The following HIBADH variants were observed in gnomAD, a reference collection of about 807,000 sequenced individuals.
The protein encoded by HIBADH is 3-hydroxyisobutyrate dehydrogenase, mitochondrial.
A neutral mutation model predicts 36.1 loss-of-function variants in HIBADH; 25 were observed. The observed-to-expected ratio is 0.69, with a 90% CI of 0.50 to 0.97. HIBADH has a LOEUF of 0.97. Among genes scored for constraint, HIBADH ranks in the 50% least tolerant of loss-of-function variants. The pLI, the probability that HIBADH is intolerant of heterozygous loss-of-function variation, is 0.00. For missense variants in HIBADH, 421 were observed against 418.0 expected (o/e 1.01, Z -0.06); for synonymous variants, 160 against 149.5 (o/e 1.07, Z -0.51).
chr7:27,537,807 G>A (rs975333398), intron 6 of HIBADH, among the ~76,000 whole-genome samples: 15 of 151,998 alleles, frequency 9.9e-5, no homozygotes, highest in African/African-American at 3.6e-4. Flanking sequence ...AAAATAAAAT[G>A]AAAGAGTTAT....
intron 4 of HIBADH, among the ~76,000 whole-genome samples, chr7:27,562,906 CTTT>C (rs929130617): frequency 1.1e-4 from 17 of 152,054 alleles, no homozygotes; most frequent in East Asian, 1.9e-4. Flanking sequence ...ATCATCATTC[CTTT>C]TTTTATTTTG....
At chr7:27,585,430 C>G (rs1338164210) in intron 4 of HIBADH, among the ~76,000 whole-genome samples, 1 of 152,094 alleles carries the variant, frequency 6.6e-6, no homozygotes, top group Non-Finnish European at 1.5e-5. Context: ...TGTATCTTTG[C>G]CAATCTGAGG....
rs1360103431 is a variant in HIBADH at position 27,526,286 on chromosome 7, C to CA, written c.938dup (p.Met313IlefsTer51). The CA allele has an allele frequency of 6.2e-7, 1 of 1,613,764 alleles. No homozygotes were observed. Among genetic ancestry groups the CA allele is most frequent in the South Asian group, 1.1e-5 (1 of 91,004 alleles). On this transcript the variant is annotated frameshift_variant, in exon 8 of 8. Transcript: ENST00000265395. LOFTEE classifies it high-confidence loss of function. ...CTTTCTTTGAGTAGCCCTTTGCACA[C>CA]ATCATCCTGTAGATCTGATGGGCCA...
chr7:27,637,124 T>TA (rs1645796708), intron 2 of HIBADH, among the ~76,000 whole-genome samples: 1 of 152,172 alleles, frequency 6.6e-6, no homozygotes, highest in South Asian at 2.1e-4. Context: ...GTAATAGTAG[T>TA]AGCAGCAGCA....
chr7:27,610,916 TAAGGGCC>T (rs1785310653), intron 4 of HIBADH, among the ~76,000 whole-genome samples: 1 of 152,188 alleles, frequency 6.6e-6, no homozygotes, highest in African/African-American at 2.4e-5. Flanking sequence ...CAGTGAGCAG[TAAGGGCC>T]AAGCCTGCAT....
chr7:27,636,567 C>G (rs1193075858), intron 2 of HIBADH, among the ~76,000 whole-genome samples: 3 of 152,200 alleles, frequency 2.0e-5, no homozygotes, highest in Non-Finnish European at 4.4e-5. Context: ...CTTAAGCAAA[C>G]ATGTTCAGCC....
chr7:27,624,983 G>A (rs1583605191), intron 4 of HIBADH, among the ~76,000 whole-genome samples: 1 of 151,906 alleles, frequency 6.6e-6, no homozygotes, highest in East Asian at 1.9e-4. Flanking sequence ...TTTTTAACTT[G>A]GAAATAATCC....
At chr7:27,648,283 T>C (rs980195738) in intron 2 of HIBADH, among the ~76,000 whole-genome samples, 21 of 151,922 alleles carry the variant, frequency 1.4e-4, no homozygotes, top group African/African-American at 4.6e-4. Context: ...ATACTGGGAG[T>C]GTAATATCCG....
intron 4 of HIBADH, among the ~76,000 whole-genome samples, chr7:27,552,244 G>C (rs1212792592): frequency 6.6e-6 from 1 of 152,118 alleles, no homozygotes; most frequent in Non-Finnish European, 1.5e-5. Context: ...TTGGGTTTTG[G>C]TGACACAGAT....
intron 4 of HIBADH, among the ~76,000 whole-genome samples, chr7:27,601,519 G>C (rs2128290342): frequency 6.6e-6 from 1 of 152,100 alleles, no homozygotes; most frequent in Non-Finnish European, 1.5e-5. Context: ...GTTGAATACT[G>C]AAATTCTCAT....
At chr7:27,574,985 T>TCAGA (rs1425044363) in intron 4 of HIBADH, among the ~76,000 whole-genome samples, 1 of 152,192 alleles carries the variant, frequency 6.6e-6, no homozygotes, top group Non-Finnish European at 1.5e-5. Context: ...TCTTATGTGT[T>TCAGA]CAGACAGAGC....
intron 2 of HIBADH, among the ~76,000 whole-genome samples, chr7:27,637,402 A>C (rs936804906): frequency 1.2e-4 from 19 of 152,368 alleles, no homozygotes; most frequent in African/African-American, 4.3e-4. Context: ...TTTTTTAAAA[A>C]GATGCTAAAA....
At chr7:27,608,228 AC>A (rs1400075505) in intron 4 of HIBADH, among the ~76,000 whole-genome samples, 1 of 152,216 alleles carries the variant, frequency 6.6e-6, no homozygotes, top group African/African-American at 2.4e-5. Context: ...CCTGTAGGTA[AC>A]CTAAGCTAAA....
At chr7:27,583,502 T>C (rs1263819174) in intron 4 of HIBADH, among the ~76,000 whole-genome samples, 1 of 152,056 alleles carries the variant, frequency 6.6e-6, no homozygotes, top group Non-Finnish European at 1.5e-5. Flanking sequence ...TATTATAGAA[T>C]ACAATATTAA....
chr7:27,622,848 T>C (rs1785569733), intron 4 of HIBADH, among the ~76,000 whole-genome samples: 2 of 152,162 alleles, frequency 1.3e-5, no homozygotes, highest in Admixed American at 1.3e-4. Context: ...ACCAAACTAA[T>C]ACTAATCTTT....
Position 27,531,912 on chromosome 7 carries a change from T to C in HIBADH, c.696-564A>G, listed in dbSNP as rs76443362. 3.1e-4 allele frequency among the ~76,000 whole-genome samples: 3 copies of C among 9,700 alleles called. No homozygotes were observed. The African/African-American group carries it at 5.2e-3, about 17-fold the overall frequency. The allele number at this position is 9,700 out of a possible 152,430, so 6.4% of individuals were successfully genotyped here. A position where few individuals can be genotyped will look rare whatever the true frequency, so the allele number is the denominator to read the frequency against. ...AAGAAAAGTTATTATAAAAGAAGACTTTTTGCTGCAAACTTTTCCTTATTT... is the reference window on the plus strand; with the variant it reads ...AAGAAAAGTTATTATAAAAGAAGACCTTTTGCTGCAAACTTTTCCTTATTT... On this transcript the variant is annotated intron_variant, in intron 6 of 7. Transcript: ENST00000265395.
intron 4 of HIBADH, among the ~76,000 whole-genome samples, chr7:27,568,905 CTTT>C (rs70994660): frequency 5.5e-5 from 8 of 144,706 alleles, no homozygotes; most frequent in Admixed American, 6.8e-5. Context: ...TTTCAGCCAC[CTTT>C]TTTTTTTTCC....
chr7:27,658,835 T>C (rs1006632006), intron 1 of HIBADH, among the ~76,000 whole-genome samples: 5 of 152,206 alleles, frequency 3.3e-5, no homozygotes, highest in African/African-American at 1.2e-4. Flanking sequence ...AAGCACTCTA[T>C]CTGCTTTACT....
chr7:27,569,918 T>A (rs1356532550), intron 4 of HIBADH, among the ~76,000 whole-genome samples: 3 of 152,176 alleles, frequency 2.0e-5, no homozygotes, highest in Non-Finnish European at 4.4e-5. Context: ...ATGGCAGAGC[T>A]GGGAGGGAAG....
Sources: gnomAD v4.1 joint callset for allele counts (sites outside exome capture counted in the v4.1 genomes callset) on GRCh38, gnomAD v4.1.1 for gene constraint, MANE v1.5 for transcripts, NCBI Gene and HGNC (gene_info 2026-07-23, HGNC 2026-07-21) for gene names.